GPC6: variants seen among roughly 807,000 people sequenced by gnomAD.
GPC6 encodes the protein glypican-6.
Under a neutral mutation model 55.2 loss-of-function variants are expected in GPC6, and 14 were observed. The observed-to-expected ratio is 0.25, with a 90% CI of 0.17 to 0.40. The LOEUF (loss-of-function observed/expected upper bound fraction) is 0.40, where lower values mean the gene tolerates loss of function less well. GPC6 is among the 10% of genes least tolerant of loss of function. The pLI is 1.00. For missense variants in GPC6, 641 were observed against 708.5 expected (o/e 0.90, Z 1.08); for synonymous variants, 278 against 259.6 (o/e 1.07, Z -0.68).
intron 4 of GPC6, among the ~76,000 whole-genome samples, chr13:94,209,369 G>A (rs1032114864): frequency 3.3e-5 from 5 of 152,164 alleles, no homozygotes; most frequent in African/African-American, 1.2e-4. Flanking sequence ...AAGAGCTTAT[G>A]TAATAAAATA....
At chr13:94,162,794 A>G (rs889221078) in intron 4 of GPC6, among the ~76,000 whole-genome samples, 15 of 152,096 alleles carry the variant, frequency 9.9e-5, no homozygotes, top group African/African-American at 3.4e-4. Context: ...ATATGTTGTG[A>G]TTCTTCATTT....
intron 1 of GPC6, among the ~76,000 whole-genome samples, chr13:93,233,469 A>G (rs909007071): frequency 2.0e-5 from 3 of 152,150 alleles, no homozygotes; most frequent in Non-Finnish European, 4.4e-5. Flanking sequence ...TTTATTGTAT[A>G]CCTACTATGG....
intron 1 of GPC6, among the ~76,000 whole-genome samples, chr13:93,431,473 T>C (rs1877356796): frequency 6.6e-6 from 1 of 152,156 alleles, no homozygotes; most frequent in Non-Finnish European, 1.5e-5. Context: ...ATATTGAAGA[T>C]AAACAACTTT....
In GPC6 at chr13:94,185,264, A is replaced by G. The variant is rs1465189337; in HGVS notation, c.878-101085A>G. On this transcript the variant is annotated intron_variant, in intron 4 of 8. Coordinates refer to ENST00000377047, the MANE Select transcript of GPC6 (RefSeq NM_005708.5). ...GGACTCCAAAATAAAAGTTGAAAAA[A>G]AAAAAAAAAAAGAAGCCATTGGCCA... Among the ~76,000 whole-genome samples the G allele has an allele frequency of 4.6e-5, 7 of 151,946 alleles. No individual in the cohort carries two copies. The East Asian group carries it at 1.4e-3, about 29-fold the overall frequency.
At chr13:93,916,888 A>T (rs1217247487) in intron 3 of GPC6, among the ~76,000 whole-genome samples, 14 of 152,172 alleles carry the variant, frequency 9.2e-5, no homozygotes. Flanking sequence ...TCAGTGAGAA[A>T]TAAATCCTAA....
intron 3 of GPC6, among the ~76,000 whole-genome samples, chr13:93,851,364 A>G (rs1465688993): frequency 6.6e-6 from 1 of 151,952 alleles, no homozygotes. Flanking sequence ...TGGTGTTTGC[A>G]GTGTTCTCTA....
intron 3 of GPC6, among the ~76,000 whole-genome samples, chr13:93,908,785 C>A (rs889378313): frequency 2.6e-5 from 4 of 152,286 alleles, no homozygotes; most frequent in Admixed American, 2.0e-4. Context: ...ACAATTCAAC[C>A]TTTTCCTGCC....
chr13:93,765,771 A>G (rs534200603), intron 2 of GPC6, among the ~76,000 whole-genome samples: 1 of 152,240 alleles, frequency 6.6e-6, no homozygotes, highest in African/African-American at 2.4e-5. Context: ...AAGTAAAATC[A>G]TTGCTATTAT....
In GPC6 at chr13:93,311,542, T is replaced by C. The variant is rs187649852; in HGVS notation, c.160+83926T>C. On this transcript the variant is annotated intron_variant, in intron 1 of 8. Coordinates refer to ENST00000377047, the MANE Select transcript of GPC6 (RefSeq NM_005708.5). ...GTAATCCCATAATAGTGTTGACTTA[T>C]ACTGCTTTTGAAATCAACCAAGCCC... 2.4e-3 allele frequency among the ~76,000 whole-genome samples: 370 copies of C among 152,282 alleles called. 1 individual carries two copies. The highest frequency in any genetic ancestry group is 2.4e-3 in the Non-Finnish European group (164 of 68,022).
At chr13:94,383,187 G>A (rs1012125166) in intron 7 of GPC6, among the ~76,000 whole-genome samples, 2 of 152,132 alleles carry the variant, frequency 1.3e-5, no homozygotes, top group Non-Finnish European at 2.9e-5. Flanking sequence ...GCTTGGCCTG[G>A]ATTTTCATAG....
chr13:93,875,374 A>C (rs1947573258), intron 3 of GPC6, among the ~76,000 whole-genome samples: 1 of 152,072 alleles, frequency 6.6e-6, no homozygotes. Flanking sequence ...AGGTTTGATG[A>C]TAACCACCAC....
chr13:93,402,759 A>G (rs1049392272), intron 1 of GPC6, among the ~76,000 whole-genome samples: 1 of 152,154 alleles, frequency 6.6e-6, no homozygotes, highest in African/African-American at 2.4e-5. Flanking sequence ...TTTGGAGGTC[A>G]GTGCTTCACA....
At chr13:94,361,798 C>CA (rs1260332138) in intron 6 of GPC6, among the ~76,000 whole-genome samples, 4 of 152,100 alleles carry the variant, frequency 2.6e-5, no homozygotes, top group Non-Finnish European at 4.4e-5. Context: ...TTAAAGGGTG[C>CA]AAAAAATGTT....
intron 4 of GPC6, among the ~76,000 whole-genome samples, chr13:94,278,403 C>G (rs922252791): frequency 6.6e-6 from 1 of 152,104 alleles, no homozygotes; most frequent in African/African-American, 2.4e-5. Context: ...TTGACTTCCT[C>G]TCTTTCTATT....
intron 2 of GPC6, among the ~76,000 whole-genome samples, chr13:93,783,893 T>C (rs1418413468): frequency 1.3e-5 from 2 of 152,190 alleles, no homozygotes; most frequent in African/African-American, 4.8e-5. Context: ...CAAATGCCCA[T>C]GTAGAATTGC....
chr13:93,623,468 T>TTTC (rs1879051460), intron 2 of GPC6, among the ~76,000 whole-genome samples: 1 of 145,072 alleles, frequency 6.9e-6, no homozygotes, highest in Admixed American at 6.9e-5. Flanking sequence ...TTTTTTTTTT[T>TTTC]TTTTTTTTGA....
chr13:93,978,077 G>T (rs1880604678), intron 3 of GPC6, among the ~76,000 whole-genome samples: 2 of 152,116 alleles, frequency 1.3e-5, no homozygotes, highest in South Asian at 4.1e-4. Flanking sequence ...GAAGAAGATG[G>T]TCGACAAGAA....
chr13:93,317,403 A>G (rs968651597), intron 1 of GPC6, among the ~76,000 whole-genome samples: 3 of 152,180 alleles, frequency 2.0e-5, no homozygotes, highest in Admixed American at 6.6e-5. Flanking sequence ...GAGACCTCCC[A>G]TGCTTCAAAG....
chr13:93,408,158 T>C (rs976412194), intron 1 of GPC6, among the ~76,000 whole-genome samples: 1 of 152,152 alleles, frequency 6.6e-6, no homozygotes. Flanking sequence ...CCCCTAACAA[T>C]GTCATCTATG....
Sources: allele counts gnomAD v4.1 joint callset (sites outside exome capture counted in the v4.1 genomes callset), GRCh38; gene constraint gnomAD v4.1.1; transcripts MANE v1.5; gene names NCBI Gene and HGNC (gene_info 2026-07-23, HGNC 2026-07-21).